Variants in GSK3B observed in about 807,000 individuals in gnomAD.
GSK3B encodes the protein glycogen synthase kinase 3 beta.
In GSK3B, 15 loss-of-function variants were observed where a neutral mutation model predicts 56.4. That is an observed-to-expected ratio of 0.27 (90% CI 0.18 to 0.41). The LOEUF (loss-of-function observed/expected upper bound fraction) is 0.41. Ranked by LOEUF, GSK3B falls within the 10% of genes least tolerant of loss-of-function variation. GSK3B has a pLI of 1.00. For missense variants in GSK3B, 300 were observed against 513.4 expected (o/e 0.58, Z 4.02); for synonymous variants, 181 against 188.9 (o/e 0.96, Z 0.34).
At chr3:119,965,054 T>C (rs1408975443) in intron 2 of GSK3B, among the ~76,000 whole-genome samples, 1 of 150,144 alleles carries the variant, frequency 6.7e-6, no homozygotes, top group Admixed American at 6.6e-5. Flanking sequence ...TTTTTTTTTT[T>C]TTTAATTTTT....
Position 119,876,434 on chromosome 3 carries a change from A to T in GSK3B, c.888T>A (p.Ile296=), listed in dbSNP as rs1304998393. 7 of 1,602,584 alleles carry T rather than the reference A, an allele frequency of 4.4e-6. No individual in the cohort carries two copies. Among genetic ancestry groups the T allele is most frequent in the Non-Finnish European group, 6.0e-6 (7 of 1,169,796 alleles). ...TCACCTTAGTCCAAGGATGTGCCTT[A>T]ATTTGAGGGAATTTAAATTCTGTGT... ...PNYTEFKFPQ[I]KAHPWTKVFR... is the part of the protein sequence containing the mutation. Residue 296 remains isoleucine, a synonymous_variant, in exon 8 of 11, where the codon ATT becomes ATA. Coordinates refer to ENST00000264235, the MANE Select transcript of GSK3B (RefSeq NM_001146156.2).
intron 4 of GSK3B, among the ~76,000 whole-genome samples, chr3:119,922,435 AATAT>A (rs1260926107): frequency 1.4e-5 from 2 of 147,956 alleles, no homozygotes; most frequent in African/African-American, 2.5e-5. Context: ...TTATATATAC[AATAT>A]ATAGTGTATA....
At chr3:119,959,720 T>C (rs780188810) in intron 2 of GSK3B, among the ~76,000 whole-genome samples, 1 of 152,094 alleles carries the variant, frequency 6.6e-6, no homozygotes, top group South Asian at 2.1e-4. Flanking sequence ...TTTCACCATG[T>C]TGGCCAGGCT....
chr3:120,008,586 C>G (rs1246619963), intron 1 of GSK3B, among the ~76,000 whole-genome samples: 2 of 152,184 alleles, frequency 1.3e-5, no homozygotes, highest in East Asian at 1.9e-4. Context: ...TCTGACAAAT[C>G]TGACACGCAC....
rs528892900 is a variant in GSK3B, at chr3:120,064,750, T to C, written c.88+28597A>G. Among the ~76,000 whole-genome samples, 12 of 152,332 alleles carry C rather than the reference T, an allele frequency of 7.9e-5. No homozygotes were observed. The South Asian group carries it at 1.9e-3, about 24-fold the overall frequency. On this transcript the variant is annotated intron_variant, in intron 1 of 10. Transcript: ENST00000264235. ...TTGGAGGACTTACTGATTTCAAAAT[T>C]TGTGACAAAGCTACAGTAATCAAGA...
At chr3:119,831,601 G>A (rs1417100151) in intron 10 of GSK3B, among the ~76,000 whole-genome samples, 2 of 151,084 alleles carry the variant, frequency 1.3e-5, no homozygotes, top group African/African-American at 2.4e-5. Flanking sequence ...AGGTTGCAAT[G>A]AGCCGAAATC....
chr3:120,079,391 C>T (rs902074875), intron 1 of GSK3B, among the ~76,000 whole-genome samples: 2 of 149,130 alleles, frequency 1.3e-5, no homozygotes, highest in African/African-American at 5.0e-5. Context: ...CAAGTAGATA[C>T]ATATTAAACA....
At chr3:119,845,024 C>A (rs772834653) in intron 9 of GSK3B, among the ~76,000 whole-genome samples, 1 of 152,120 alleles carries the variant, frequency 6.6e-6, no homozygotes, top group Non-Finnish European at 1.5e-5. Context: ...AATCAATAAA[C>A]GTAATTCATC....
At chr3:119,867,238 A>G (rs2056194996) in intron 8 of GSK3B, among the ~76,000 whole-genome samples, 1 of 152,212 alleles carries the variant, frequency 6.6e-6, no homozygotes, top group South Asian at 2.1e-4. Flanking sequence ...AAGAAGGATC[A>G]GGCCACCGCG....
intron 1 of GSK3B, among the ~76,000 whole-genome samples, chr3:120,070,219 A>G: frequency 8.5e-6 from 1 of 116,990 alleles, no homozygotes; most frequent in Non-Finnish European, 1.6e-5. Context: ...CTCAAAAAAC[A>G]AAACAAAACA....
chr3:119,861,403 A>G (rs911777051), intron 9 of GSK3B, among the ~76,000 whole-genome samples: 2 of 151,872 alleles, frequency 1.3e-5, no homozygotes, highest in African/African-American at 4.8e-5. Flanking sequence ...CCCAGCTACT[A>G]AGGAGGCTGA....
At chr3:120,008,845 C>T (rs28812563) in intron 1 of GSK3B, among the ~76,000 whole-genome samples, 5,233 of 152,134 alleles carry the variant, frequency 0.034, 328 homozygotes, top group African/African-American at 0.12. Flanking sequence ...CAACAAAAGC[C>T]AAAATTGATA....
intron 7 of GSK3B, among the ~76,000 whole-genome samples, chr3:119,891,084 T>C (rs909485834): frequency 7.9e-5 from 12 of 151,796 alleles, no homozygotes; most frequent in African/African-American, 2.9e-4. Context: ...AAAGTAAGTA[T>C]AGGTAATGTG....
intron 1 of GSK3B, chr3:120,041,439 C>T: frequency 3.7e-6 from 1 of 268,580 alleles, no homozygotes. Flanking sequence ...ACATATCATG[C>T]ATACCTTCAA....
At chr3:120,081,371 A>T (rs2058418542) in intron 1 of GSK3B, among the ~76,000 whole-genome samples, 1 of 152,082 alleles carries the variant, frequency 6.6e-6, no homozygotes, top group Admixed American at 6.5e-5. Context: ...ACATGGTGAA[A>T]CCCTGTCTCT....
chr3:119,888,948 G>A (rs188469411), intron 7 of GSK3B, among the ~76,000 whole-genome samples: 1 of 152,166 alleles, frequency 6.6e-6, no homozygotes, highest in Admixed American at 6.5e-5. Flanking sequence ...TAAATTTGAG[G>A]TCAGACCAGT....
At chr3:119,848,575 CGCAA>C (rs1218947144) in intron 9 of GSK3B, among the ~76,000 whole-genome samples, 2 of 152,110 alleles carry the variant, frequency 1.3e-5, no homozygotes, top group East Asian at 3.9e-4. Context: ...ACACCAAACT[CGCAA>C]GCAGTCACTC....
At chr3:119,876,356 G>A (rs2056313271) in intron 8 of GSK3B, 57 bp downstream of exon 8, 1 of 902,342 alleles carries the variant, frequency 1.1e-6, no homozygotes, top group East Asian at 2.4e-5. Context: ...TAAGAACAAT[G>A]AGAAACCTGT....
At chr3:119,847,459 G>A (rs985779275) in intron 9 of GSK3B, among the ~76,000 whole-genome samples, 4 of 151,916 alleles carry the variant, frequency 2.6e-5, no homozygotes, top group Admixed American at 6.6e-5. Flanking sequence ...CAGCCTGGGC[G>A]ACAAGAGCGA....
Sources: allele counts gnomAD v4.1 joint callset (sites outside exome capture counted in the v4.1 genomes callset), GRCh38; gene constraint gnomAD v4.1.1; transcripts MANE v1.5; gene names NCBI Gene and HGNC (gene_info 2026-07-23, HGNC 2026-07-21).